The following BCO2 variants were observed in gnomAD, a reference collection of about 807,000 sequenced individuals.
BCO2 encodes beta-carotene oxygenase 2, also known as carotenoid-cleaving dioxygenase, mitochondrial.
BCO2 carries 56 observed loss-of-function variants against 65.8 expected under a neutral mutation model. That is an observed-to-expected ratio of 0.85 (90% CI 0.69 to 1.06). BCO2 has a LOEUF of 1.06. BCO2 is among the 50% of genes least tolerant of loss of function. The pLI, the probability that BCO2 is intolerant of heterozygous loss-of-function variation, is 0.00. For synonymous variants in BCO2, 233 were observed against 242.3 expected (o/e 0.96, Z 0.36); for missense variants, 675 against 698.5 (o/e 0.97, Z 0.38).
chr11:112,193,577 G>A lies in BCO2; in HGVS notation c.397G>A (p.Ala133Thr), dbSNP rs372357598. 6.2e-7 allele frequency: 1 copy of A among 1,613,976 alleles called. No homozygotes were observed. Among genetic ancestry groups the A allele is most frequent in the African/African-American group, 1.3e-5 (1 of 74,908 alleles). The change falls in exon 3 of 12, where the codon GCC (alanine) becomes ACC (threonine). Residue 133 changes from alanine to threonine, a missense_variant. Transcript: ENST00000357685. ...SKFLQSDTYK[A>T]NSAKNRIVIS... Reference sequence around the variant, plus strand: ...GTTTCTACAGAGTGATACATATAAGGCCAACAGTGCTAAAAACCGAATTGT... The same window carrying A: ...GTTTCTACAGAGTGATACATATAAGACCAACAGTGCTAAAAACCGAATTGT...
In BCO2 at chr11:112,218,041, T is replaced by C; in HGVS notation, c.*167T>C. ...TATGTTCCCTATTTGGGTGATGGGT[T>C]CGTTAGAAGTCCAAACCTCAGCAGC... On this transcript the variant is annotated 3_prime_UTR_variant, in exon 12 of 12. Transcript: ENST00000357685. 1 of 552,042 alleles carries C rather than the reference T, an allele frequency of 1.8e-6. No individual in the cohort carries two copies. The highest frequency in any genetic ancestry group is 3.2e-6 in the Non-Finnish European group (1 of 312,010). 34.2% of individuals were successfully genotyped at this position (552,042 alleles called of 1,614,324 possible).
At chr11:112,183,651 G>A (rs1308008445) in intron 2 of BCO2, among the ~76,000 whole-genome samples, 1 of 152,190 alleles carries the variant, frequency 6.6e-6, no homozygotes, top group Non-Finnish European at 1.5e-5. Context: ...CTTGGTAAAG[G>A]TTGTTTAGGT....
At chr11:112,209,705 T>C (rs908283437) in intron 8 of BCO2, among the ~76,000 whole-genome samples, 4 of 152,234 alleles carry the variant, frequency 2.6e-5, no homozygotes, top group Non-Finnish European at 5.9e-5. Flanking sequence ...CTTTATTCTG[T>C]GAACATGGTG....
chr11:112,202,065 C>T lies in BCO2; in HGVS notation c.1069C>T (p.His357Tyr), dbSNP rs147138798. The T allele has an allele frequency of 4.5e-5, 72 of 1,612,248 alleles. No individual in the cohort carries two copies. In the African/African-American group the frequency reaches 8.4e-4, roughly 19 times the overall value. The stretch of plus-strand genomic sequence containing the variant: ...CTACAGCAAACCTTTTGTTACATTT[C>T]ATCAAATCAATGCCTTTGAGGACCA... ...RYYSKPFVTF[H>Y]QINAFEDQGC... The change falls in exon 8 of 12, where the codon CAT becomes TAT. Residue 357 changes from histidine (H) to tyrosine (Y), a missense_variant. Physicochemically the swap from His to Tyr is moderately conservative, Grantham distance 83. Transcript: ENST00000357685.
intron 2 of BCO2, chr11:112,181,601 T>G: frequency 1.3e-6 from 1 of 762,502 alleles, no homozygotes; most frequent in South Asian, 1.3e-5. Flanking sequence ...GAAGCAAGAT[T>G]TTTTGGTATT....
chr11:112,197,549 A>C (rs866017327), intron 5 of BCO2, among the ~76,000 whole-genome samples: 5,098 of 44,934 alleles, frequency 0.11, 256 homozygotes, highest in African/African-American at 0.29. Context: ...CCCTGTCTCA[A>C]AAAAAAAAAA....
intron 8 of BCO2, among the ~76,000 whole-genome samples, chr11:112,207,924 T>A (rs1276945830): frequency 1.3e-5 from 2 of 151,286 alleles, no homozygotes; most frequent in African/African-American, 2.4e-5. Context: ...TGTTTATTTT[T>A]TGCTTTCATT....
At chr11:112,200,921 G>T (rs1458364445) in intron 7 of BCO2, 148 bp downstream of exon 7, 1 of 804,536 alleles carries the variant, frequency 1.2e-6, no homozygotes, top group Non-Finnish European at 2.0e-6. Context: ...GGTTGAGCTA[G>T]CTACTTATTA....
In BCO2 at chr11:112,198,052, G is replaced by A. The variant is rs181239739; in HGVS notation, c.737-1647G>A. ...AAACAGTAGCCCCTACTCCTCATAT[G>A]ATCACTCCTGATCCTTATTCCTTGG... On this transcript the variant is annotated intron_variant, in intron 5 of 11. Coordinates refer to ENST00000357685, the MANE Select transcript of BCO2 (RefSeq NM_031938.7). Among the ~76,000 whole-genome samples the A allele has an allele frequency of 1.7e-3, 258 of 152,264 alleles. 1 individual carries two copies. The highest frequency in any genetic ancestry group is 5.9e-3 in the African/African-American group (245 of 41,546).
At position 112,175,683 on chromosome 11, in the gene BCO2, C is replaced by G. The variant is rs776873678; in HGVS notation, c.82C>G (p.Leu28Val). Residue 28 changes from leucine (L) to valine (V), a missense_variant, in exon 1 of 12, where the codon CTC becomes GTC. Leu to Val is a conservative substitution (Grantham distance 32). Coordinates refer to ENST00000357685, the MANE Select transcript of BCO2 (RefSeq NM_031938.7). Reference protein sequence around the residue: ...VDFLPVMVHRLPVFKRYMGNT... With the variant: ...VDFLPVMVHRVPVFKRYMGNT... Reference sequence around the variant, plus strand: ...TTTCCTTCCTGTGATGGTGCACCGGCTCCCAGGTAGAGGGTTTGCCCCTTT... The same window carrying G: ...TTTCCTTCCTGTGATGGTGCACCGGGTCCCAGGTAGAGGGTTTGCCCCTTT... 47 of 1,612,660 alleles carry G rather than the reference C, an allele frequency of 2.9e-5. No individual in the cohort carries two copies. The highest frequency in any genetic ancestry group is 3.9e-5 in the Non-Finnish European group (46 of 1,178,732).
intron 1 of BCO2, among the ~76,000 whole-genome samples, chr11:112,177,361 G>T (rs2135341850): frequency 6.6e-6 from 1 of 152,290 alleles, no homozygotes; most frequent in Non-Finnish European, 1.5e-5. Flanking sequence ...CCAGAATGGA[G>T]TCCAGGAAAC....
intron 8 of BCO2, chr11:112,208,931 G>T (rs188863597): frequency 1.6e-3 from 248 of 157,692 alleles, no homozygotes; most frequent in Non-Finnish European, 2.4e-3. Context: ...TCAGACAAAA[G>T]AATTACCTTT....
chr11:112,207,355 T>C (rs1487502771), intron 8 of BCO2, among the ~76,000 whole-genome samples: 1 of 152,228 alleles, frequency 6.6e-6, no homozygotes, highest in African/African-American at 2.4e-5. Context: ...CATTCTTAAC[T>C]TAATATGGCC....
chr11:112,178,502 T>C (rs1179519380), intron 1 of BCO2, among the ~76,000 whole-genome samples: 1 of 152,246 alleles, frequency 6.6e-6, no homozygotes, highest in Non-Finnish European at 1.5e-5. Flanking sequence ...TAAACTTTTA[T>C]GAGATAAAGA....
chr11:112,178,495 A>C (rs967708100), intron 1 of BCO2, among the ~76,000 whole-genome samples: 3 of 152,202 alleles, frequency 2.0e-5, no homozygotes, highest in African/African-American at 7.2e-5. Context: ...TCACTCTTAA[A>C]CTTTTATGAG....
At chr11:112,207,868 T>C (rs1859389892) in intron 8 of BCO2, among the ~76,000 whole-genome samples, 1 of 151,262 alleles carries the variant, frequency 6.6e-6, no homozygotes, top group Non-Finnish European at 1.5e-5. Flanking sequence ...TCTGCATCTT[T>C]TGTTAGATTT....
intron 11 of BCO2, among the ~76,000 whole-genome samples, chr11:112,217,100 GAAGA>G (rs1249878282): frequency 5.9e-5 from 9 of 152,196 alleles, no homozygotes; most frequent in African/African-American, 2.2e-4. Context: ...TTCTAACTTG[GAAGA>G]AAGAGTTTCT....
At chr11:112,217,651 G>A in intron 11 of BCO2, 110 bp from the exon 12 acceptor site, 1 of 717,196 alleles carries the variant, frequency 1.4e-6, no homozygotes, top group Non-Finnish European at 2.4e-6. Flanking sequence ...GTGAGCCACT[G>A]TGCCTGACCA....
intron 2 of BCO2, among the ~76,000 whole-genome samples, chr11:112,180,160 T>C (rs1033815935): frequency 1.3e-5 from 2 of 152,240 alleles, no homozygotes; most frequent in African/African-American, 2.4e-5. Context: ...TAAATTACTC[T>C]ATAATACTTA....
Sources: allele counts gnomAD v4.1 joint callset (sites outside exome capture counted in the v4.1 genomes callset), GRCh38; gene constraint gnomAD v4.1.1; transcripts MANE v1.5; gene names NCBI Gene and HGNC (gene_info 2026-07-23, HGNC 2026-07-21).